MAMLD1: variants seen among roughly 807,000 people sequenced by gnomAD.
The protein encoded by MAMLD1 is mastermind like domain containing 1.
A neutral mutation model predicts 45.0 loss-of-function variants in MAMLD1; 14 were observed. That is an observed-to-expected ratio of 0.31 (90% CI 0.21 to 0.49). The LOEUF is 0.49. Ranked by LOEUF, MAMLD1 falls within the 20% of genes least tolerant of loss-of-function variation. The pLI is 0.99. For missense variants in MAMLD1, 543 were observed against 603.6 expected (o/e 0.90, Z 1.05); for synonymous variants, 254 against 247.8 (o/e 1.02, Z -0.24).
At chrX:150,366,643 CAGT>C (rs1165035595) in intron 1 of MAMLD1, among the ~76,000 whole-genome samples, 2 of 111,731 alleles carry the variant, frequency 1.8e-5, no homozygotes, top group Non-Finnish European at 3.8e-5. Flanking sequence ...ACTTCATGAC[CAGT>C]TTGCATATTA....
chrX:150,492,132 G>A (rs2037206423), intron 5 of MAMLD1, among the ~76,000 whole-genome samples: 1 of 112,613 alleles, frequency 8.9e-6, no homozygotes, highest in African/African-American at 3.2e-5. Flanking sequence ...CCTTCATCTG[G>A]TTCACTATCA....
intron 2 of MAMLD1, among the ~76,000 whole-genome samples, chrX:150,448,506 A>G (rs1557404900): frequency 5.3e-5 from 6 of 112,545 alleles, no homozygotes; most frequent in Non-Finnish European, 1.1e-4. Flanking sequence ...GGCCATCACC[A>G]TAAGAAATCT....
At position 150,512,284 on chromosome X, in the gene MAMLD1, T is replaced by C. The variant is rs2070779; in HGVS notation, c.*325T>C. ...ACTCTGTCTGCCAGCATATGCAGAGTCCCAAGGCCACCCCACCAGAAGTGC... is the reference window on the plus strand; with the variant it reads ...ACTCTGTCTGCCAGCATATGCAGAGCCCCAAGGCCACCCCACCAGAAGTGC... On this transcript the variant is annotated 3_prime_UTR_variant, in exon 8 of 8. Coordinates refer to ENST00000370401, the MANE Select transcript of MAMLD1 (RefSeq NM_005491.5). 480,135 of 1,119,430 alleles carry C rather than the reference T, an allele frequency of 0.43. 72,537 individuals carry two copies. The highest frequency in any genetic ancestry group is 0.6 in the East Asian group (18,098 of 30,168). 92.3% of individuals were successfully genotyped at this position (1,119,430 alleles called of 1,213,427 possible).
At chrX:150,395,992 T>G (rs1367309543) in intron 1 of MAMLD1, among the ~76,000 whole-genome samples, 1 of 108,869 alleles carries the variant, frequency 9.2e-6, no homozygotes, top group Non-Finnish European at 1.9e-5. Flanking sequence ...TTTTTTCTTT[T>G]TTCTTTTTTG....
chrX:150,504,283 C>T, intron 6 of MAMLD1: 1 of 752,828 alleles, frequency 1.3e-6, no homozygotes, highest in East Asian at 1.5e-4. Flanking sequence ...TATCAATGTG[C>T]ACAGGATGTC....
intron 1 of MAMLD1, among the ~76,000 whole-genome samples, chrX:150,405,050 A>G (rs1954940932): frequency 8.9e-6 from 1 of 112,395 alleles, no homozygotes; most frequent in East Asian, 2.8e-4. Context: ...CCAGCAGTAG[A>G]ATGCTTGGGT....
At chrX:150,417,546 A>G (rs1465379491) in intron 1 of MAMLD1, among the ~76,000 whole-genome samples, 6 of 110,179 alleles carry the variant, frequency 5.4e-5, no homozygotes, top group African/African-American at 2.0e-4. Flanking sequence ...GGCTGGGTCA[A>G]ATGGTATTTC....
intron 1 of MAMLD1, among the ~76,000 whole-genome samples, chrX:150,442,897 A>T (rs782578280): frequency 9.0e-6 from 1 of 111,634 alleles, no homozygotes; most frequent in African/African-American, 3.2e-5. Context: ...TCTCCCTTTC[A>T]TATCTGAAGC....
Position 150,470,888 on chromosome X carries a change from C to G in MAMLD1, c.1315C>G (p.Pro439Ala), listed in dbSNP as rs1557406415. 1 of 1,211,830 alleles carries G rather than the reference C, an allele frequency of 8.3e-7. No individual in the cohort carries two copies. The highest frequency in any genetic ancestry group is 2.2e-5 in the Admixed American group (1 of 46,069). The change falls in exon 4 of 8, where the codon CCT becomes GCT. Residue 439 changes from proline to alanine, a missense_variant. Coordinates refer to ENST00000370401, the MANE Select transcript of MAMLD1 (RefSeq NM_005491.5). ...CCTCATGTCCTCTACCATCAAAACC[C>G]CTCAAGGACACCTGATGTCTGCTCT... ...ANLMSSTIKT[P>A]QGHLMSALPA... is the part of the protein sequence containing the mutation.
chrX:150,441,169 G>A (rs1022266258), intron 1 of MAMLD1, among the ~76,000 whole-genome samples: 8 of 107,642 alleles, frequency 7.4e-5, no homozygotes, highest in African/African-American at 2.3e-4. Flanking sequence ...GTCCATTATC[G>A]CTAATATTTA....
At chrX:150,465,036 G>A (rs1374411171) in intron 3 of MAMLD1, among the ~76,000 whole-genome samples, 1 of 111,834 alleles carries the variant, frequency 8.9e-6, no homozygotes, top group East Asian at 2.8e-4. Flanking sequence ...GCCCTCTGGA[G>A]GGAAAATAAG....
intron 5 of MAMLD1, among the ~76,000 whole-genome samples, chrX:150,499,884 A>G (rs1244501162): frequency 8.9e-6 from 1 of 111,934 alleles, no homozygotes; most frequent in Non-Finnish European, 1.9e-5. Flanking sequence ...CATTGAAAAG[A>G]GATGAGTAGA....
chrX:150,374,735 G>A (rs782724388), intron 1 of MAMLD1, among the ~76,000 whole-genome samples: 40 of 111,848 alleles, frequency 3.6e-4, no homozygotes, highest in African/African-American at 1.2e-3. Flanking sequence ...ATGGGTCAAG[G>A]ATGTGTGTAG....
intron 1 of MAMLD1, among the ~76,000 whole-genome samples, chrX:150,400,626 C>T (rs1449301991): frequency 5.4e-5 from 6 of 111,405 alleles, no homozygotes; most frequent in Non-Finnish European, 1.1e-4. Flanking sequence ...TTTTGAAATA[C>T]GTCCCATCAA....
intron 1 of MAMLD1, among the ~76,000 whole-genome samples, chrX:150,370,250 TCAA>T (rs1393141071): frequency 9.1e-6 from 1 of 110,477 alleles, no homozygotes; most frequent in Non-Finnish European, 1.9e-5. Flanking sequence ...GCAGCACCAG[TCAA>T]CTGTATGGCA....
At position 150,486,178 on chromosome X, in the gene MAMLD1, C is replaced by G. The variant is rs187695673; in HGVS notation, c.2040+12376C>G. 2.3e-3 allele frequency among the ~76,000 whole-genome samples: 258 copies of G among 112,080 alleles called. 1 individual carries two copies. Among genetic ancestry groups the G allele is most frequent in the African/African-American group, 8.1e-3 (250 of 30,843 alleles). On this transcript the variant is annotated intron_variant, in intron 5 of 7. Transcript: ENST00000370401. ...GTTTCTTTCTGGCTGTCTACTCTGC[C>G]TTCAGTGGCATGAGCCTCATCCTAA...
In MAMLD1 at chrX:150,442,877, A is replaced by G. The variant is rs1335020646; in HGVS notation, c.-63-2577A>G. Among the ~76,000 whole-genome samples the G allele has an allele frequency of 7.2e-5, 8 of 111,609 alleles. No individual in the cohort carries two copies. In the East Asian group the frequency reaches 2.2e-3, roughly 31 times the overall value. Reference sequence around the variant, plus strand: ...TTTTGTTAGTGTCTCTTGATCTGAGAATGTCTTGATCTCCCTTTCATATCT... The same window carrying G: ...TTTTGTTAGTGTCTCTTGATCTGAGGATGTCTTGATCTCCCTTTCATATCT... On this transcript the variant is annotated intron_variant, in intron 1 of 7. Transcript: ENST00000370401.
chrX:150,470,183 C>T lies in MAMLD1; in HGVS notation c.610C>T (p.Pro204Ser). The T allele has an allele frequency of 9.1e-6, 11 of 1,211,709 alleles. No individual in the cohort carries two copies. The highest frequency in any genetic ancestry group is 3.0e-5 in the East Asian group (1 of 33,824). ...TCTTGAGAAGATACTGGGGACGAAGCCAGAAGAGCCACTGGTTTTAGATCA... is the reference window on the plus strand; with the variant it reads ...TCTTGAGAAGATACTGGGGACGAAGTCAGAAGAGCCACTGGTTTTAGATCA... ...LDLEKILGTKPEEPLVLDHPQ... is the reference protein window; with the variant it reads ...LDLEKILGTKSEEPLVLDHPQ... The change falls in exon 4 of 8, where the codon CCA becomes TCA. Residue 204 changes from proline (P) to serine (S), a missense_variant. Coordinates refer to ENST00000370401, the MANE Select transcript of MAMLD1 (RefSeq NM_005491.5).
At chrX:150,398,314 GAAGAAGAAGAAGAAGAAGAAGAA>G (rs1569564578) in intron 1 of MAMLD1, among the ~76,000 whole-genome samples, 10 of 99,110 alleles carry the variant, frequency 1.0e-4, no homozygotes, top group African/African-American at 3.0e-4. Flanking sequence ...AGAAGAAGAA[GAAGAAGAAGAAGAAGAAGAAGAA>G]GAAGAGGAAG....
Sources: allele counts gnomAD v4.1 joint callset (sites outside exome capture counted in the v4.1 genomes callset), GRCh38; gene constraint gnomAD v4.1.1; transcripts MANE v1.5; gene names NCBI Gene and HGNC (gene_info 2026-07-23, HGNC 2026-07-21).